OPCML: variants seen among roughly 807,000 people sequenced by gnomAD.
OPCML encodes the protein opioid binding protein/cell adhesion molecule like.
A neutral mutation model predicts 37.8 loss-of-function variants in OPCML; 13 were observed. The ratio of observed to expected loss-of-function variants is 0.34; its 90% confidence interval spans 0.22 to 0.55. OPCML has a LOEUF of 0.55. Among genes scored for constraint, OPCML ranks in the 20% least tolerant of loss-of-function variants. The probability of loss-of-function intolerance (pLI) is 0.91; values close to 1 mark genes in which losing one functional copy is unlikely to be tolerated. For missense variants in OPCML, 341 were observed against 435.6 expected, an observed-to-expected ratio of 0.78 and a Z score of 1.93; for synonymous variants, 176 against 168.8, an observed-to-expected ratio of 1.04 and a Z score of -0.33.
intron 2 of OPCML, among the ~76,000 whole-genome samples, chr11:132,888,502 C>T (rs1420206466): frequency 6.6e-6 from 1 of 152,094 alleles, no homozygotes; most frequent in Non-Finnish European, 1.5e-5. Flanking sequence ...GTTTCTCCCC[C>T]CACGCATCTG....
intron 1 of OPCML, among the ~76,000 whole-genome samples, chr11:133,284,408 T>C (rs191612635): frequency 2.0e-5 from 3 of 152,290 alleles, no homozygotes; most frequent in East Asian, 1.9e-4. Context: ...GGAGAAGTCA[T>C]TGTGAGCTGG....
intron 3 of OPCML, among the ~76,000 whole-genome samples, chr11:132,647,540 T>C (rs973417087): frequency 1.3e-5 from 2 of 152,182 alleles, no homozygotes; most frequent in African/African-American, 4.8e-5. Flanking sequence ...ATATACTGTA[T>C]TCATATAATA....
At chr11:132,606,855 C>T (rs542961955) in intron 3 of OPCML, among the ~76,000 whole-genome samples, 1 of 152,260 alleles carries the variant, frequency 6.6e-6, no homozygotes, top group African/African-American at 2.4e-5. Context: ...AGTGTCTCCC[C>T]CCACCCACCG....
chr11:133,333,220 A>G (rs1943663925), intron 1 of OPCML, among the ~76,000 whole-genome samples: 1 of 152,070 alleles, frequency 6.6e-6, no homozygotes, highest in Non-Finnish European at 1.5e-5. Flanking sequence ...CACCATGCCC[A>G]GTACATTTTT....
intron 3 of OPCML, among the ~76,000 whole-genome samples, chr11:132,621,841 AT>A (rs1427520917): frequency 6.6e-6 from 1 of 152,170 alleles, no homozygotes; most frequent in Admixed American, 6.5e-5. Context: ...ATGAAAACAT[AT>A]GGATAAGAGC....
intron 1 of OPCML, among the ~76,000 whole-genome samples, chr11:132,993,842 G>C (rs1946827410): frequency 6.6e-6 from 1 of 152,122 alleles, no homozygotes; most frequent in South Asian, 2.1e-4. Flanking sequence ...ATCTGAGGCT[G>C]AGGCCGCCCC....
rs117142672 is a variant in OPCML at position 133,190,048 on chromosome 11, A to G, written c.62-247038T>C. Among the ~76,000 whole-genome samples the G allele has an allele frequency of 6.7e-3, 1,027 of 152,298 alleles. 2 individuals carry two copies. The highest frequency in any genetic ancestry group is 0.011 in the Non-Finnish European group (717 of 68,030). On this transcript the variant is annotated intron_variant, in intron 1 of 7. Coordinates refer to ENST00000524381, the MANE Select transcript of OPCML (RefSeq NM_001012393.5). ...ACTTTACCACTTCCATATAGTTCCC[A>G]TTGGTCACAGGCAGGCAGGATCAAC...
At chr11:132,735,487 GT>G (rs1054306044) in intron 2 of OPCML, among the ~76,000 whole-genome samples, 1 of 152,024 alleles carries the variant, frequency 6.6e-6, no homozygotes, top group African/African-American at 2.4e-5. Context: ...AATTGTTGTT[GT>G]TGTTGTTTTT....
intron 2 of OPCML, among the ~76,000 whole-genome samples, chr11:132,869,325 G>A (rs910722059): frequency 2.0e-5 from 3 of 152,180 alleles, no homozygotes; most frequent in African/African-American, 7.2e-5. Flanking sequence ...AAAGAGAGTT[G>A]ACACCCCGCC....
intron 1 of OPCML, among the ~76,000 whole-genome samples, chr11:133,402,845 C>G (rs1945438347): frequency 1.3e-5 from 2 of 152,160 alleles, no homozygotes; most frequent in Non-Finnish European, 1.5e-5. Flanking sequence ...GCCACTGGAC[C>G]CAAGTCGCCA....
At chr11:132,818,955 C>T (rs1939807520) in intron 2 of OPCML, among the ~76,000 whole-genome samples, 1 of 149,144 alleles carries the variant, frequency 6.7e-6, no homozygotes, top group African/African-American at 2.5e-5. Context: ...AAATAAATAC[C>T]CTCTACTTGG....
At chr11:132,484,659 G>A (rs559553678) in intron 4 of OPCML, among the ~76,000 whole-genome samples, 1 of 152,200 alleles carries the variant, frequency 6.6e-6, no homozygotes, top group African/African-American at 2.4e-5. Context: ...CAAAGACTTG[G>A]AACCAAGCCA....
chr11:133,498,990 C>T (rs11223488), intron 1 of OPCML, among the ~76,000 whole-genome samples: 7,563 of 152,204 alleles, frequency 0.05, 195 homozygotes, highest in South Asian at 0.083. Flanking sequence ...TGAGGTTCTC[C>T]TACATGTTCA....
At chr11:133,455,830 G>GA (rs1020753382) in intron 1 of OPCML, among the ~76,000 whole-genome samples, 6 of 152,214 alleles carry the variant, frequency 3.9e-5, no homozygotes, top group Admixed American at 2.6e-4. Context: ...AATTCCCACT[G>GA]AAAAAAAGCC....
chr11:132,709,051 C>T (rs1944154514), intron 2 of OPCML, among the ~76,000 whole-genome samples: 1 of 152,094 alleles, frequency 6.6e-6, no homozygotes, highest in African/African-American at 2.4e-5. Flanking sequence ...GGAATTTCAC[C>T]AGTTGTCATT....
At chr11:132,698,040 A>C in intron 2 of OPCML, among the ~76,000 whole-genome samples, 1 of 143,302 alleles carries the variant, frequency 7.0e-6, no homozygotes, top group Non-Finnish European at 1.5e-5. Context: ...TAGAGATGGG[A>C]TCTCTTCTTG....
At chr11:132,936,802 G>A (rs144981800) in intron 2 of OPCML, among the ~76,000 whole-genome samples, 1 of 152,116 alleles carries the variant, frequency 6.6e-6, no homozygotes, top group Non-Finnish European at 1.5e-5. Flanking sequence ...AACGGATCAA[G>A]ATGAAAAGAG....
intron 1 of OPCML, among the ~76,000 whole-genome samples, chr11:133,034,093 A>G (rs904473243): frequency 6.6e-6 from 1 of 152,140 alleles, no homozygotes; most frequent in African/African-American, 2.4e-5. Flanking sequence ...CTTGCCAACC[A>G]TGCTTTCAGT....
At chr11:132,641,259 A>C (rs61068153) in intron 3 of OPCML, among the ~76,000 whole-genome samples, 4,732 of 152,252 alleles carry the variant, frequency 0.031, 175 homozygotes, top group African/African-American at 0.083. Context: ...AAGGACGTCA[A>C]TGCTGGTTAG....
Sources: allele counts gnomAD v4.1 joint callset (sites outside exome capture counted in the v4.1 genomes callset), GRCh38; gene constraint gnomAD v4.1.1; transcripts MANE v1.5; gene names NCBI Gene and HGNC (gene_info 2026-07-23, HGNC 2026-07-21).